RYR1: variants seen among roughly 807,000 people sequenced by gnomAD.
RYR1 encodes ryanodine receptor 1.
In RYR1, 342 loss-of-function variants were observed where a neutral mutation model predicts 583.5. The ratio of observed to expected loss-of-function variants is 0.59; its 90% confidence interval spans 0.54 to 0.64. The LOEUF (loss-of-function observed/expected upper bound fraction) is 0.64, where lower values mean the gene tolerates loss of function less well. Among genes scored for constraint, RYR1 ranks in the 30% least tolerant of loss-of-function variants. The probability of loss-of-function intolerance (pLI) is 0.00; values close to 1 mark genes in which losing one functional copy is unlikely to be tolerated. For missense variants in RYR1, 6,032 were observed against 6,917.2 expected (o/e 0.87, Z 4.54); for synonymous variants, 2,791 against 2,822.5 (o/e 0.99, Z 0.35).
Position 38,527,028 on chromosome 19 carries a change from C to T in RYR1, c.10662C>T (p.His3554=), listed in dbSNP as rs758686728. Residue 3554 remains histidine (H), a synonymous_variant, in exon 72 of 106, where the codon CAC becomes CAT. Transcript: ENST00000359596. ...DTDEEVREFL[H]NNLHLQGKVE... The stretch of plus-strand genomic sequence containing the variant: ...ATGAGGAGGTCCGGGAATTTCTGCA[C>T]AACAACCTTCACCTTCAGGGAAAGG... 2 of 1,614,036 alleles carry T rather than the reference C, an allele frequency of 1.2e-6. No homozygotes were observed. The highest frequency in any genetic ancestry group is 1.7e-6 in the Non-Finnish European group (2 of 1,179,948).
chr19:38,506,063 C>A, intron 54 of RYR1, 117 bp downstream of exon 54: 1 of 1,381,552 alleles, frequency 7.2e-7, no homozygotes, highest in Non-Finnish European at 9.9e-7. Context: ...GTAGGTGGGG[C>A]AAGAGGGGTG....
chr19:38,490,046 C>T (rs779692310), intron 35 of RYR1, 30 bp from the exon 36 acceptor site: 4 of 1,610,600 alleles, frequency 2.5e-6, no homozygotes, highest in Admixed American at 1.7e-5. Context: ...TCACCTCCAT[C>T]TCTCCTCCCA....
chr19:38,447,868 CAAAAATA>C (rs1600654002), intron 9 of RYR1, among the ~76,000 whole-genome samples: 2 of 144,714 alleles, frequency 1.4e-5, no homozygotes, highest in East Asian at 2.0e-4. Flanking sequence ...ACAAGCAAAA[CAAAAATA>C]AAAAATGAAG....
At chr19:38,551,025 C>CTTTTTTTTTTTTT (rs71165560) in intron 89 of RYR1, among the ~76,000 whole-genome samples, 3 of 41,358 alleles carry the variant, frequency 7.3e-5, no homozygotes, top group Non-Finnish European at 9.2e-5. Flanking sequence ...GGATTCACGG[C>CTTTTTTTTTTTTT]TTTTTTTTTT....
At position 38,502,727 on chromosome 19, in the gene RYR1, G is replaced by A. The variant is rs769677939; in HGVS notation, c.7835G>A (p.Arg2612Lys). 22 of 1,572,276 alleles carry A rather than the reference G, an allele frequency of 1.4e-5. No homozygotes were observed. Among genetic ancestry groups the A allele is most frequent in the African/African-American group, 9.8e-5 (7 of 71,112 alleles). ...VIEDCLMSLC[R>K]YIRPSMLQHL... ...GAGGACTGCCTCATGTCGCTCTGCA[G>A]GTGGAGCGGGGCAGGCTTCAGGGTG... The change falls in exon 48 of 106, where the codon AGG becomes AAG. Residue 2612 changes from arginine to lysine, a missense_variant and splice_region_variant. This residue lies in a region of RYR1 where 250 missense variants were observed against 162.3 expected (regional missense o/e 1.54). Coordinates refer to ENST00000359596, the MANE Select transcript of RYR1 (RefSeq NM_000540.3).
Position 38,453,569 on chromosome 19 carries a change from G to A in RYR1, c.1440+555G>A, listed in dbSNP as rs116410622. Among the ~76,000 whole-genome samples, 536 of 151,962 alleles carry A rather than the reference G, an allele frequency of 3.5e-3. 2 individuals are homozygous for A. Among genetic ancestry groups the A allele is most frequent in the African/African-American group, 0.013 (518 of 41,418 alleles). On this transcript the variant is annotated intron_variant, in intron 13 of 105. Coordinates refer to ENST00000359596, the MANE Select transcript of RYR1 (RefSeq NM_000540.3). ...TCTGTCCTTATGGAGTTGACATGGC[G>A]GGGAGAGACAGGAGATCAATAAAAT...
At chr19:38,487,978 GAGAC>G (rs1394698046) in intron 34 of RYR1, among the ~76,000 whole-genome samples, 14 of 151,990 alleles carry the variant, frequency 9.2e-5, no homozygotes, top group Non-Finnish European at 2.9e-5. Flanking sequence ...TATTTTGTAA[GAGAC>G]AGGGTAATGC....
chr19:38,578,627 G>C (rs1253863808), intron 99 of RYR1, among the ~76,000 whole-genome samples: 1 of 151,680 alleles, frequency 6.6e-6, no homozygotes, highest in Non-Finnish European at 1.5e-5. Flanking sequence ...GAGGTCAGGA[G>C]TTCAAGACAA....
chr19:38,510,548 A>G lies in RYR1; in HGVS notation c.8983A>G (p.Ile2995Val), dbSNP rs1970681401. 1.2e-6 allele frequency: 2 copies of G among 1,614,044 alleles called. No individual in the cohort carries two copies. The highest frequency in any genetic ancestry group is 1.7e-6 in the Non-Finnish European group (2 of 1,180,000). Reference sequence around the variant, plus strand: ...GGAAAAGTCCCCACATGAACAGGAGATTAAATTCTTTGCCAAGGTGAGAGG... The same window carrying G: ...GGAAAAGTCCCCACATGAACAGGAGGTTAAATTCTTTGCCAAGGTGAGAGG... Reference protein sequence around the residue: ...RVEKSPHEQEIKFFAKILLPL... With the variant: ...RVEKSPHEQEVKFFAKILLPL... Residue 2995 changes from isoleucine (I) to valine (V), a missense_variant, in exon 59 of 106, where the codon ATT (isoleucine) becomes GTT (valine). Ile to Val is a conservative substitution (Grantham distance 29). Transcript: ENST00000359596.
Position 38,463,848 on chromosome 19 carries a change from C to T in RYR1, c.2784C>T (p.Leu928=), listed in dbSNP as rs1264807446. The T allele has an allele frequency of 6.2e-7, 1 of 1,611,500 alleles. No individual in the cohort carries two copies. The highest frequency in any genetic ancestry group is 2.2e-5 in the East Asian group (1 of 44,798). ...NYNLQMSGET[L]KTLLALGCHV... is the part of the protein sequence containing the mutation. ...ACCTGCAGATGTCTGGGGAGACGCT[C>T]AAGTGAGGGCCCAGGGGAGCCGGGG... Residue 928 remains leucine (L), a splice_region_variant and synonymous_variant, in exon 22 of 106, where the codon CTC becomes CTT. Transcript: ENST00000359596.
In RYR1 at chr19:38,443,734, C is replaced by G. The variant is rs371874847; in HGVS notation, c.362C>G (p.Thr121Ser). 17 of 1,613,998 alleles carry G rather than the reference C, an allele frequency of 1.1e-5. No homozygotes were observed. Among genetic ancestry groups the G allele is most frequent in the Non-Finnish European group, 1.4e-5 (17 of 1,179,996 alleles). Reference protein sequence around the residue: ...AHSRMYLSCLTTSRSMTDKLA... With the variant: ...AHSRMYLSCLSTSRSMTDKLA... The stretch of plus-strand genomic sequence containing the variant: ...CAACCCTAGTATCTGAGCTGCCTCA[C>G]CACCTCCCGCTCCATGACTGACAAG... The change falls in exon 5 of 106, where the codon ACC becomes AGC. Residue 121 changes from threonine to serine, a missense_variant. Thr to Ser is a moderately conservative substitution (Grantham distance 58, BLOSUM62 1). Coordinates refer to ENST00000359596, the MANE Select transcript of RYR1 (RefSeq NM_000540.3).
At chr19:38,572,388 A>C in intron 95 of RYR1, 118 bp downstream of exon 95, 1 of 799,592 alleles carries the variant, frequency 1.3e-6, no homozygotes, top group Non-Finnish European at 1.8e-6. Context: ...GAGGGGGCCT[A>C]GGGTTGGGGT....
In RYR1 at chr19:38,549,908, TGTG is replaced by T. The variant is rs1972594065; in HGVS notation, c.12282+1489_12282+1491del. 4.8e-5 allele frequency among the ~76,000 whole-genome samples: 7 copies of T among 145,232 alleles called. No individual in the cohort carries two copies. The Admixed American group carries it at 4.9e-4, about 10-fold the overall frequency. ...GTGTGTGTGTGTGTGTGTGTGTGTG[TGTG>T]TGTGTGTGTGTGTGTTGTATTTTTA... On this transcript the variant is annotated intron_variant, in intron 89 of 105. Transcript: ENST00000359596.
At chr19:38,448,858 G>T in intron 11 of RYR1, 45 bp downstream of exon 11, 3 of 1,584,568 alleles carry the variant, frequency 1.9e-6, no homozygotes, top group Non-Finnish European at 2.6e-6. Flanking sequence ...TGGGAGAATC[G>T]CTTGAGTCCA....
Position 38,483,234 on chromosome 19 carries a change from G to A in RYR1, c.4708-56G>A. ...TCCAAGAGGTCTCCCTGGAAGTGGT[G>A]TGGTGGGACAGAGGGGGCTGGCCAT... On this transcript the variant is annotated intron_variant, in intron 32 of 105. Coordinates refer to ENST00000359596, the MANE Select transcript of RYR1 (RefSeq NM_000540.3). The surrounding 1 kb of genome is among the most constrained non-coding windows in gnomAD (Gnocchi z 6.3). 1.2e-5 allele frequency: 19 copies of A among 1,579,686 alleles called. No individual in the cohort carries two copies. Among genetic ancestry groups the A allele is most frequent in the Non-Finnish European group, 1.6e-5 (19 of 1,159,968 alleles).
chr19:38,523,881 C>A (rs1196800580), intron 69 of RYR1, 34 bp from the exon 70 acceptor site: 1 of 1,613,912 alleles, frequency 6.2e-7, no homozygotes, highest in Admixed American at 1.7e-5. Context: ...CTGGGGTAAC[C>A]CTTCTTGTCT....
At chr19:38,494,898 G>T (rs1054252958) in intron 39 of RYR1, among the ~76,000 whole-genome samples, 2 of 144,970 alleles carry the variant, frequency 1.4e-5, no homozygotes, top group Non-Finnish European at 3.0e-5. Flanking sequence ...TGTCACCCAG[G>T]CTGGAGTGCA....
chr19:38,473,164 C>T (rs533555642), intron 27 of RYR1, among the ~76,000 whole-genome samples: 1 of 152,210 alleles, frequency 6.6e-6, no homozygotes, highest in East Asian at 1.9e-4. Context: ...ACACGACGCC[C>T]AGAGAAATGT....
intron 38 of RYR1, 101 bp downstream of exon 38, chr19:38,492,737 G>GGAGGGGTAGATAGGCAGGAGTGA: frequency 1.6e-6 from 2 of 1,279,258 alleles, no homozygotes; most frequent in Non-Finnish European, 2.2e-6. Context: ...CAGATGCAAG[G>GGAGGGGTAGATAGGCAGGAGTGA]GAGGGGTAGA....
Sources: allele counts gnomAD v4.1 joint callset (sites outside exome capture counted in the v4.1 genomes callset), GRCh38; gene constraint gnomAD v4.1.1; regional missense constraint gnomAD v4.1.1; non-coding constraint Gnocchi (gnomAD v3.1); transcripts MANE v1.5; gene names NCBI Gene and HGNC (gene_info 2026-07-23, HGNC 2026-07-21).